The following SGCD variants were observed in gnomAD, a reference collection of about 807,000 sequenced individuals.
SGCD encodes sarcoglycan delta.
In SGCD, 18 loss-of-function variants were observed where a neutral mutation model predicts 36.6. That is an observed-to-expected ratio of 0.49 (90% CI 0.34 to 0.73). The LOEUF is 0.73. Ranked by LOEUF, SGCD falls within the 30% of genes least tolerant of loss-of-function variation. The pLI, the probability that SGCD is intolerant of heterozygous loss-of-function variation, is 0.01. For synonymous variants in SGCD, 133 were observed against 130.6 expected (o/e 1.02, Z -0.12); for missense variants, 387 against 346.7 (o/e 1.12, Z -0.92).
At chr5:156,265,646 A>G (rs1014725975) in intron 3 of SGCD, among the ~76,000 whole-genome samples, 1 of 150,926 alleles carries the variant, frequency 6.6e-6, no homozygotes, top group Non-Finnish European at 1.5e-5. Context: ...TGTTAATTAT[A>G]ATACTGATAT....
At chr5:155,809,583 A>G in the SGCD span, among the ~76,000 whole-genome samples, 1 of 152,190 alleles carries the variant, frequency 6.6e-6, no homozygotes, top group South Asian at 2.1e-4. Flanking sequence ...AGAGAGAAAG[A>G]AAGAAAGGGA....
At chr5:155,998,447 A>T (rs1056216955) in intron 1 of SGCD, among the ~76,000 whole-genome samples, 1 of 152,196 alleles carries the variant, frequency 6.6e-6, no homozygotes, top group Non-Finnish European at 1.5e-5. Context: ...GTTTCCTGAG[A>T]AAATTGCTGA....
At chr5:156,655,912 A>G (rs1017181908) in intron 7 of SGCD, among the ~76,000 whole-genome samples, 22 of 152,126 alleles carry the variant, frequency 1.4e-4, no homozygotes, top group African/African-American at 5.3e-4. Context: ...TCAGTTTTGC[A>G]TATGTATTTT....
intron 3 of SGCD, among the ~76,000 whole-genome samples, chr5:156,423,323 T>TTATA (rs1300031884): frequency 1.5e-5 from 1 of 68,210 alleles, no homozygotes; most frequent in African/African-American, 8.9e-5. Context: ...TAATATAATA[T>TTATA]ATTTTATTAT....
chr5:156,029,086 C>A (rs1759286345), intron 1 of SGCD, among the ~76,000 whole-genome samples: 1 of 151,942 alleles, frequency 6.6e-6, no homozygotes, highest in African/African-American at 2.4e-5. Context: ...CCATTCTCAA[C>A]CTCATCATCT....
intron 2 of SGCD, among the ~76,000 whole-genome samples, chr5:156,342,829 G>T (rs1318089236): frequency 6.6e-6 from 1 of 152,202 alleles, no homozygotes. Context: ...AGCAGAGCTG[G>T]TAGCAGATGG....
In SGCD at chr5:156,158,294, C is replaced by A. The variant is rs926700094; in HGVS notation, c.-44+34275C>A. On this transcript the variant is annotated intron_variant, in intron 3 of 9. Transcript: ENST00000517913. ...CCCACCAATCCTAGACACTCCTTAG[C>A]CTTGCCCACTTTGGGAGAGAATAAC... Among the ~76,000 whole-genome samples, 25 of 151,744 alleles carry A rather than the reference C, an allele frequency of 1.6e-4. 2 individuals carry two copies. Among genetic ancestry groups the A allele is most frequent in the African/African-American group, 5.8e-4 (24 of 41,058 alleles).
At chr5:156,335,569 C>T (rs1352829471) in intron 2 of SGCD, among the ~76,000 whole-genome samples, 1 of 152,170 alleles carries the variant, frequency 6.6e-6, no homozygotes, top group African/African-American at 2.4e-5. Flanking sequence ...CCTTATCTCA[C>T]TACCTCTTAC....
intron 1 of SGCD, among the ~76,000 whole-genome samples, chr5:156,027,124 T>C (rs747621832): frequency 3.3e-5 from 5 of 152,230 alleles, no homozygotes; most frequent in Admixed American, 6.5e-5. Flanking sequence ...TAACTTGGTA[T>C]TTCAAACAGG....
At chr5:156,556,327 A>C (rs1759020049) in intron 4 of SGCD, among the ~76,000 whole-genome samples, 1 of 152,038 alleles carries the variant, frequency 6.6e-6, no homozygotes, top group South Asian at 2.1e-4. Context: ...TCTTTTCTGA[A>C]GGGTCTTTTT....
intron 3 of SGCD, among the ~76,000 whole-genome samples, chr5:156,182,497 G>A (rs1046058679): frequency 3.3e-5 from 5 of 152,152 alleles, no homozygotes; most frequent in African/African-American, 1.2e-4. Flanking sequence ...AGGCTGAGGT[G>A]GGAAGATCAC....
At chr5:156,441,824 G>T (rs956405829) in intron 3 of SGCD, among the ~76,000 whole-genome samples, 1 of 152,170 alleles carries the variant, frequency 6.6e-6, no homozygotes, top group Non-Finnish European at 1.5e-5. Context: ...AACCTTGGGG[G>T]TTAATTTCAT....
chr5:155,804,547 C>A, the SGCD span, among the ~76,000 whole-genome samples: 1 of 152,264 alleles, frequency 6.6e-6, no homozygotes, highest in Non-Finnish European at 1.5e-5. Flanking sequence ...GCTTAGGGCC[C>A]AGCTTCTCCA....
At chr5:155,985,057 T>A (rs1269833328) in intron 1 of SGCD, among the ~76,000 whole-genome samples, 3 of 152,208 alleles carry the variant, frequency 2.0e-5, no homozygotes. Flanking sequence ...AAAACTTTAA[T>A]GACCCTGGGT....
At chr5:155,819,189 T>A in the SGCD span, among the ~76,000 whole-genome samples, 1 of 152,228 alleles carries the variant, frequency 6.6e-6, no homozygotes, top group Non-Finnish European at 1.5e-5. Context: ...AAATCCCAAA[T>A]ATATTTTGAG....
chr5:155,840,866 C>T, the SGCD span, among the ~76,000 whole-genome samples: 3 of 151,610 alleles, frequency 2.0e-5, no homozygotes, highest in Non-Finnish European at 4.4e-5. Context: ...ACAAAATTAG[C>T]TGGGCATGGT....
chr5:156,584,009 G>A (rs1326316079), intron 4 of SGCD, among the ~76,000 whole-genome samples: 2 of 152,130 alleles, frequency 1.3e-5, no homozygotes, highest in African/African-American at 4.8e-5. Flanking sequence ...AACTAGGAAA[G>A]GAAAGGATTT....
At chr5:155,865,125 TAG>T in the SGCD span, among the ~76,000 whole-genome samples, 1 of 152,038 alleles carries the variant, frequency 6.6e-6, no homozygotes, top group Admixed American at 6.6e-5. Flanking sequence ...GATAGATAGA[TAG>T]ATAGATATTT....
In SGCD at chr5:155,895,779, C is replaced by T. The variant is rs1373305979; in HGVS notation, c.-282+25355C>T. 5.3e-5 allele frequency among the ~76,000 whole-genome samples: 8 copies of T among 151,894 alleles called. No homozygotes were observed. The South Asian group carries it at 8.3e-4, about 16-fold the overall frequency. ...CCCATTTAGAGATTACTTTCCCTTT[C>T]GGCTTTTATACAGCAAAGCAGGAGC... On this transcript the variant is annotated intron_variant, in intron 1 of 9. Transcript: ENST00000517913.
Sources: gnomAD v4.1 joint callset for allele counts (sites outside exome capture counted in the v4.1 genomes callset) on GRCh38, gnomAD v4.1.1 for gene constraint, MANE v1.5 for transcripts, NCBI Gene and HGNC (gene_info 2026-07-23, HGNC 2026-07-21) for gene names.